Variants in SLC20A2 observed in about 807,000 individuals in gnomAD.
SLC20A2 encodes solute carrier family 20 member 2, also known as sodium-dependent phosphate transporter 2.
Under a neutral mutation model 61.0 loss-of-function variants are expected in SLC20A2, and 30 were observed. The ratio of observed to expected loss-of-function variants is 0.49; its 90% CI spans 0.37 to 0.67. SLC20A2 has a LOEUF of 0.67. SLC20A2 is among the 30% of genes least tolerant of loss of function. SLC20A2 has a pLI of 0.00. For missense variants in SLC20A2, 626 were observed against 866.4 expected (o/e 0.72, Z 3.48); for synonymous variants, 351 against 353.3 (o/e 0.99, Z 0.07).
intron 5 of SLC20A2, among the ~76,000 whole-genome samples, chr8:42,448,743 G>A (rs919321575): frequency 6.6e-6 from 1 of 152,100 alleles, no homozygotes; most frequent in Non-Finnish European, 1.5e-5. Flanking sequence ...AGGAAGAAGA[G>A]AGAAGGAATC....
At chr8:42,514,824 T>C (rs1392791378) in intron 1 of SLC20A2, among the ~76,000 whole-genome samples, 1 of 150,662 alleles carries the variant, frequency 6.6e-6, no homozygotes, top group Non-Finnish European at 1.5e-5. Flanking sequence ...AAAACGTACA[T>C]GTAATTTCTG....
chr8:42,508,132 C>T (rs1810822089), intron 1 of SLC20A2, among the ~76,000 whole-genome samples: 1 of 151,938 alleles, frequency 6.6e-6, no homozygotes, highest in African/African-American at 2.4e-5. Context: ...CCACTGCACT[C>T]CACCCTGGGC....
chr8:42,492,840 C>T lies in SLC20A2; in HGVS notation c.-265+8191G>A, dbSNP rs184320597. On this transcript the variant is annotated intron_variant, in intron 1 of 10. Coordinates refer to ENST00000520262, the MANE Select transcript of SLC20A2 (RefSeq NM_001257180.2). ...CTACAGGCGCCTGTCACCACGTGCC[C>T]GGCTAACTTTTTGTATTTTTAGTAG... is the stretch of plus-strand genomic sequence containing the variant. Among the ~76,000 whole-genome samples, 448 of 152,102 alleles carry T rather than the reference C, an allele frequency of 2.9e-3. 2 individuals are homozygous for T. The highest frequency in any genetic ancestry group is 2.8e-3 in the African/African-American group (115 of 41,504).
Position 42,458,508 on chromosome 8 carries a change from G to A in SLC20A2, c.613+1388C>T, listed in dbSNP as rs137884319. On this transcript the variant is annotated intron_variant, in intron 5 of 10. Transcript: ENST00000520262. ...TGTGGTGGCACACACCTGTGGTTCCGGCTACTCAGGGGGCTGAGGTGGGAG... is the reference window on the plus strand; with the variant it reads ...TGTGGTGGCACACACCTGTGGTTCCAGCTACTCAGGGGGCTGAGGTGGGAG... Among the ~76,000 whole-genome samples, 242 of 151,660 alleles carry A rather than the reference G, an allele frequency of 1.6e-3. 2 individuals are homozygous for A. The highest frequency in any genetic ancestry group is 5.4e-3 in the African/African-American group (225 of 41,288).
intron 5 of SLC20A2, among the ~76,000 whole-genome samples, chr8:42,457,347 T>C (rs1806290803): frequency 6.6e-6 from 1 of 152,112 alleles, no homozygotes; most frequent in South Asian, 2.1e-4. Flanking sequence ...GTGACTGGGA[T>C]TTCACCTTCC....
intron 1 of SLC20A2, among the ~76,000 whole-genome samples, chr8:42,523,045 C>G (rs1811687012): frequency 6.6e-6 from 1 of 151,940 alleles, no homozygotes; most frequent in Non-Finnish European, 1.5e-5. Context: ...TTAAAAGTAG[C>G]TTAGAGGCCA....
intron 1 of SLC20A2, among the ~76,000 whole-genome samples, chr8:42,480,669 T>C (rs899989020): frequency 5.9e-5 from 9 of 152,334 alleles, no homozygotes; most frequent in African/African-American, 2.2e-4. Context: ...TATTCCTTTA[T>C]TTTTAGTTTT....
Position 42,472,219 on chromosome 8 carries a change from C to T in SLC20A2, c.172G>A (p.Gly58Ser), listed in dbSNP as rs1462676972. Residue 58 changes from glycine (G) to serine (S), a missense_variant, in exon 2 of 11, where the codon GGC becomes AGC. By Grantham distance (56) the Gly-to-Ser change is moderately conservative (BLOSUM62 0). Coordinates refer to ENST00000520262, the MANE Select transcript of SLC20A2 (RefSeq NM_001257180.2). The surrounding 1 kb of genome is among the most constrained non-coding windows in gnomAD (Gnocchi z 4.1). Reference sequence around the variant, plus strand: ...ACTTTGGCGCCTAGTAACACGGAGCCGGTGGTTTCAAATATTGAAGCTAAA... The same window carrying T: ...ACTTTGGCGCCTAGTAACACGGAGCTGGTGGTTTCAAATATTGAAGCTAAA... ...CILASIFETTGSVLLGAKVGE... is the reference protein window; with the variant it reads ...CILASIFETTSSVLLGAKVGE... 2 of 1,614,020 alleles carry T rather than the reference C, an allele frequency of 1.2e-6. No homozygotes were observed. The highest frequency in any genetic ancestry group is 1.7e-6 in the Non-Finnish European group (2 of 1,180,050).
rs756149755 is a variant in SLC20A2 at position 42,459,934 on chromosome 8, G to A, written c.575C>T (p.Ala192Val). ...ALPVFYAATI[A>V]INVFSIMYTG... ...GTACATGATGGAAAAGACATTGATT[G>A]CTATGGTAGCAGCATAGAATACTGG... Residue 192 changes from alanine (A) to valine (V), a missense_variant, in exon 5 of 11, where the codon GCA (alanine) becomes GTA (valine). Ala to Val is a moderately conservative substitution (Grantham distance 64, BLOSUM62 0). This residue lies in a region of SLC20A2 where 361 missense variants were observed against 422.3 expected (regional missense o/e 0.85). Coordinates refer to ENST00000520262, the MANE Select transcript of SLC20A2 (RefSeq NM_001257180.2). 3.7e-6 allele frequency: 6 copies of A among 1,613,570 alleles called. No individual in the cohort carries two copies. In the Admixed American group the frequency reaches 8.3e-5, roughly 22 times the overall value.
intron 5 of SLC20A2, among the ~76,000 whole-genome samples, chr8:42,447,314 C>T (rs2131069203): frequency 6.6e-6 from 1 of 151,500 alleles, no homozygotes; most frequent in African/African-American, 2.4e-5. Flanking sequence ...CCATTGAACT[C>T]CAGCCTGGGC....
intron 10 of SLC20A2, among the ~76,000 whole-genome samples, chr8:42,423,051 C>G (rs1364165224): frequency 6.6e-6 from 1 of 151,998 alleles, no homozygotes; most frequent in Non-Finnish European, 1.5e-5. Flanking sequence ...TTTATTTTCC[C>G]TTTGATCAAT....
At position 42,417,640 on chromosome 8, in the gene SLC20A2, T is replaced by G. The variant is rs1412367628; in HGVS notation, c.*163A>C. On this transcript the variant is annotated 3_prime_UTR_variant, in exon 11 of 11. Transcript: ENST00000520262. ...CTCGGGAAGGTGAGTCTCCGCAGCC[T>G]GGGTGAACAGTGTGGGATGGAGCCT... 3 of 630,860 alleles carry G rather than the reference T, an allele frequency of 4.8e-6. No homozygotes were observed. Among genetic ancestry groups the G allele is most frequent in the Non-Finnish European group, 5.3e-6 (2 of 375,796 alleles). 39.1% of individuals were successfully genotyped at this position (630,860 alleles called of 1,614,324 possible).
chr8:42,534,291 T>A (rs1812571309), intron 1 of SLC20A2, among the ~76,000 whole-genome samples: 1 of 151,856 alleles, frequency 6.6e-6, no homozygotes, highest in Admixed American at 6.6e-5. Flanking sequence ...TCAAAAAAAA[T>A]AAATAAAAAG....
At chr8:42,526,856 C>A (rs1811992362) in intron 1 of SLC20A2, among the ~76,000 whole-genome samples, 1 of 151,864 alleles carries the variant, frequency 6.6e-6, no homozygotes, top group African/African-American at 2.4e-5. Context: ...GTAGTCTCAG[C>A]ACTTTGAGGG....
chr8:42,426,899 C>T (rs1426210359), intron 10 of SLC20A2, among the ~76,000 whole-genome samples: 1 of 152,116 alleles, frequency 6.6e-6, no homozygotes, highest in Non-Finnish European at 1.5e-5. Context: ...TTTAGTGACA[C>T]GCGTCTCCTC....
intron 1 of SLC20A2, among the ~76,000 whole-genome samples, chr8:42,473,751 T>C (rs1281208022): frequency 6.6e-6 from 1 of 152,228 alleles, no homozygotes; most frequent in Non-Finnish European, 1.5e-5. Flanking sequence ...TAAATGCTTA[T>C]TGAGTTGAAC....
At chr8:42,489,185 C>T (rs750478827) in intron 1 of SLC20A2, among the ~76,000 whole-genome samples, 1 of 152,050 alleles carries the variant, frequency 6.6e-6, no homozygotes, top group Admixed American at 6.5e-5. Flanking sequence ...GTGATCCACC[C>T]GCTTCGGCCT....
At chr8:42,422,316 G>C (rs1252579305) in intron 10 of SLC20A2, among the ~76,000 whole-genome samples, 3 of 152,118 alleles carry the variant, frequency 2.0e-5, no homozygotes, top group African/African-American at 7.2e-5. Flanking sequence ...GCCTCCCAAA[G>C]TGCTGGGATT....
At chr8:42,436,157 G>A (rs368349173) in intron 8 of SLC20A2, among the ~76,000 whole-genome samples, 12 of 151,818 alleles carry the variant, frequency 7.9e-5, no homozygotes, top group South Asian at 4.2e-4. Context: ...TTCTCCTAGC[G>A]TCCTGGTTCA....
Sources: gnomAD v4.1 joint callset for allele counts (sites outside exome capture counted in the v4.1 genomes callset) on GRCh38, gnomAD v4.1.1 for gene constraint, gnomAD v4.1.1 regional missense constraint, Gnocchi (gnomAD v3.1) non-coding constraint, MANE v1.5 for transcripts, NCBI Gene and HGNC (gene_info 2026-07-23, HGNC 2026-07-21) for gene names.